The following ZNF704 variants were observed in gnomAD, a reference collection of about 807,000 sequenced individuals.
ZNF704 encodes glucocorticoid induced gene 1.
ZNF704 carries 10 observed loss-of-function variants against 44.7 expected under a neutral mutation model. The ratio of observed to expected loss-of-function variants is 0.22; its 90% CI spans 0.14 to 0.38. ZNF704 has a LOEUF of 0.38. Ranked by LOEUF, ZNF704 falls within the 10% of genes least tolerant of loss-of-function variation. The pLI, the probability that ZNF704 is intolerant of heterozygous loss-of-function variation, is 1.00. For synonymous variants in ZNF704, 211 were observed against 207.6 expected, an observed-to-expected ratio of 1.02 and a Z score of -0.14; for missense variants, 390 against 545.5, an observed-to-expected ratio of 0.71 and a Z score of 2.84.
At chr8:80,756,041 C>A (rs1807029009) in intron 2 of ZNF704, among the ~76,000 whole-genome samples, 1 of 151,128 alleles carries the variant, frequency 6.6e-6, no homozygotes, top group Admixed American at 6.6e-5. Flanking sequence ...CCTGGGAGAG[C>A]AAGGCTGCAG....
intron 2 of ZNF704, among the ~76,000 whole-genome samples, chr8:80,741,915 T>C (rs1806764277): frequency 6.6e-6 from 1 of 152,138 alleles, no homozygotes; most frequent in African/African-American, 2.4e-5. Flanking sequence ...CTGGCAAAAC[T>C]AATAGCCCTC....
intron 2 of ZNF704, among the ~76,000 whole-genome samples, chr8:80,787,785 AT>A (rs1807639898): frequency 6.6e-6 from 1 of 152,152 alleles, no homozygotes; most frequent in African/African-American, 2.4e-5. Flanking sequence ...GCACCTTATA[AT>A]TTAAAATGCC....
At chr8:80,644,111 C>T (rs570211786) in intron 7 of ZNF704, among the ~76,000 whole-genome samples, 27 of 152,346 alleles carry the variant, frequency 1.8e-4, no homozygotes, top group African/African-American at 6.5e-4. Flanking sequence ...CAGCTTTAGT[C>T]TTCACAACGA....
chr8:80,799,951 T>A (rs1490679461), intron 2 of ZNF704, among the ~76,000 whole-genome samples: 1 of 152,064 alleles, frequency 6.6e-6, no homozygotes, highest in Non-Finnish European at 1.5e-5. Flanking sequence ...ATAGCCAGAA[T>A]AGCTAGTTTA....
intron 1 of ZNF704, among the ~76,000 whole-genome samples, chr8:80,833,671 C>G (rs1264363434): frequency 6.6e-6 from 1 of 152,118 alleles, no homozygotes; most frequent in Admixed American, 6.5e-5. Context: ...CATTATTTTT[C>G]TATACCAAGA....
At chr8:80,838,653 G>A (rs1435493100) in intron 1 of ZNF704, among the ~76,000 whole-genome samples, 1 of 149,198 alleles carries the variant, frequency 6.7e-6, no homozygotes, top group Non-Finnish European at 1.5e-5. Flanking sequence ...GGGGGAGGAG[G>A]AGGAAAGAAG....
intron 2 of ZNF704, among the ~76,000 whole-genome samples, chr8:80,811,513 C>T (rs114782500): frequency 0.035 from 5,347 of 152,234 alleles, 328 homozygotes; most frequent in African/African-American, 0.12. Flanking sequence ...ATATATAACT[C>T]ATTTGTGCTG....
chr8:80,865,979 T>C (rs1474194673), intron 1 of ZNF704, among the ~76,000 whole-genome samples: 1 of 152,222 alleles, frequency 6.6e-6, no homozygotes, highest in Non-Finnish European at 1.5e-5. Flanking sequence ...TATAAGACTT[T>C]AATCATTCTA....
At chr8:80,805,504 C>T (rs1163664232) in intron 2 of ZNF704, among the ~76,000 whole-genome samples, 1 of 152,166 alleles carries the variant, frequency 6.6e-6, no homozygotes, top group African/African-American at 2.4e-5. Flanking sequence ...AATAATTTCA[C>T]TTACCTAAGA....
intron 1 of ZNF704, among the ~76,000 whole-genome samples, chr8:80,829,254 A>G (rs1473992047): frequency 1.3e-5 from 2 of 152,240 alleles, no homozygotes; most frequent in African/African-American, 4.8e-5. Flanking sequence ...CAAGTATGTT[A>G]AACATCCATC....
intron 1 of ZNF704, among the ~76,000 whole-genome samples, chr8:80,831,148 C>T (rs1808466363): frequency 6.6e-6 from 1 of 152,008 alleles, no homozygotes; most frequent in South Asian, 2.1e-4. Flanking sequence ...AAAAACAAAA[C>T]CAAAGAAAAC....
intron 7 of ZNF704, among the ~76,000 whole-genome samples, chr8:80,644,386 C>T (rs539721962): frequency 6.6e-6 from 1 of 152,246 alleles, no homozygotes; most frequent in South Asian, 2.1e-4. Flanking sequence ...AGTAATCTTC[C>T]CAGCTTCTGG....
At chr8:80,825,996 C>T (rs1425414320) in intron 1 of ZNF704, among the ~76,000 whole-genome samples, 1 of 152,088 alleles carries the variant, frequency 6.6e-6, no homozygotes, top group African/African-American at 2.4e-5. Context: ...AATTGACACC[C>T]TAACATCACA....
At chr8:80,822,273 G>T (rs545421236) in intron 1 of ZNF704, among the ~76,000 whole-genome samples, 1 of 72,058 alleles carries the variant, frequency 1.4e-5, no homozygotes, top group Admixed American at 1.5e-4. Context: ...CTTCCCCCCC[G>T]CCCCCAACCC....
intron 2 of ZNF704, among the ~76,000 whole-genome samples, chr8:80,754,393 T>G (rs1807000832): frequency 6.6e-6 from 1 of 152,158 alleles, no homozygotes; most frequent in Non-Finnish European, 1.5e-5. Flanking sequence ...TTTGCAGCCA[T>G]TTTCCCCTGC....
At chr8:80,644,906 T>C (rs1817802980) in intron 7 of ZNF704, 5 of 917,244 alleles carry the variant, frequency 5.5e-6, no homozygotes, top group Admixed American at 1.8e-5. Context: ...TGTGTAAAGC[T>C]TGAGGCTGAA....
intron 2 of ZNF704, among the ~76,000 whole-genome samples, chr8:80,733,005 C>T (rs1806607965): frequency 6.7e-6 from 1 of 150,220 alleles, no homozygotes; most frequent in Non-Finnish European, 1.5e-5. Context: ...CCTTAAATCT[C>T]GACTCATTTA....
chr8:80,764,169 T>C (rs776975596), intron 2 of ZNF704, among the ~76,000 whole-genome samples: 27 of 152,164 alleles, frequency 1.8e-4, no homozygotes, highest in Non-Finnish European at 3.7e-4. Flanking sequence ...AGTACCCCAC[T>C]CTCTGTGGTA....
At chr8:80,664,013 G>T (rs1341290227) in intron 6 of ZNF704, among the ~76,000 whole-genome samples, 1 of 151,668 alleles carries the variant, frequency 6.6e-6, no homozygotes, top group African/African-American at 2.4e-5. Flanking sequence ...TTACAGGTGT[G>T]AGCCACTGTG....
Sources: gnomAD v4.1 joint callset for allele counts (sites outside exome capture counted in the v4.1 genomes callset) on GRCh38, gnomAD v4.1.1 for gene constraint, MANE v1.5 for transcripts, NCBI Gene and HGNC (gene_info 2026-07-23, HGNC 2026-07-21) for gene names.